Variants in ANKRD30A observed in about 807,000 individuals in gnomAD.
ANKRD30A encodes the protein ankyrin repeat domain 30A.
A neutral mutation model predicts 166.3 loss-of-function variants in ANKRD30A; 170 were observed. That is an observed-to-expected ratio of 1.02 (90% confidence interval 0.90 to 1.16). The LOEUF is 1.16. Ranked by LOEUF, ANKRD30A falls within the 50% of genes most tolerant of loss-of-function variation. The pLI is 0.00. For missense variants in ANKRD30A, 1,630 were observed against 1,518.0 expected, an observed-to-expected ratio of 1.07 and a Z score of -1.23; for synonymous variants, 564 against 508.9, an observed-to-expected ratio of 1.11 and a Z score of -1.46.
chr10:37,252,086 A>C, the ANKRD30A span, among the ~76,000 whole-genome samples: 1 of 152,164 alleles, frequency 6.6e-6, no homozygotes, highest in African/African-American at 2.4e-5. Flanking sequence ...ACCCTCCTTG[A>C]AGTGTAATGT....
At chr10:37,218,303 C>A (rs1842705711) in intron 33 of ANKRD30A, among the ~76,000 whole-genome samples, 1 of 150,852 alleles carries the variant, frequency 6.6e-6, no homozygotes, top group African/African-American at 2.4e-5. Context: ...AAATAGAAGA[C>A]TTCTTTTATA....
rs1340923039 is a variant in ANKRD30A, at chr10:37,162,692, G to T, written c.1929+15G>T. ...CTGCCTTCGAGGTATTTAGTTTTAT[G>T]ATTTCATTTTGAATGACTTATTATC... On this transcript the variant is annotated intron_variant, in intron 16 of 35. Coordinates refer to ENST00000361713, the MANE Select transcript of ANKRD30A (RefSeq NM_052997.3). 5.6e-6 allele frequency: 9 copies of T among 1,612,750 alleles called. No individual in the cohort carries two copies. The African/African-American group carries it at 6.7e-5, about 12-fold the overall frequency.
rs1436856590 is a variant in ANKRD30A, at chr10:37,183,229, A to C, written c.2422-6238A>C. On this transcript the variant is annotated intron_variant, in intron 24 of 35. Coordinates refer to ENST00000361713, the MANE Select transcript of ANKRD30A (RefSeq NM_052997.3). The stretch of plus-strand genomic sequence containing the variant: ...CCAATACGCATTACAACTGTTACTC[A>C]TTAACCATGAAAATTATGACATTGT... 3.4e-5 allele frequency among the ~76,000 whole-genome samples: 5 copies of C among 148,616 alleles called. 1 individual carries two copies. Among genetic ancestry groups the C allele is most frequent in the African/African-American group, 1.2e-4 (5 of 40,636 alleles).
intron 6 of ANKRD30A, among the ~76,000 whole-genome samples, 191 bp downstream of exon 6, chr10:37,136,862 G>T (rs1250125498): frequency 6.8e-6 from 1 of 146,038 alleles, no homozygotes; most frequent in East Asian, 2.0e-4. Flanking sequence ...GCTTTGATTT[G>T]ATTTTTTGGT....
At chr10:37,197,365 G>A in intron 28 of ANKRD30A, 43 bp from the exon 29 acceptor site, 1 of 1,612,678 alleles carries the variant, frequency 6.2e-7, no homozygotes, top group East Asian at 2.2e-5. Flanking sequence ...ATTTTGTGAA[G>A]TATACATTCT....
chr10:37,134,150 C>A, intron 5 of ANKRD30A, 97 bp downstream of exon 5: 2 of 1,420,586 alleles, frequency 1.4e-6, no homozygotes, highest in South Asian at 2.6e-5. Context: ...AGAAACTAGG[C>A]AAAAAGCTAG....
At chr10:37,191,182 A>G (rs1340180554) in intron 25 of ANKRD30A, among the ~76,000 whole-genome samples, 1 of 151,942 alleles carries the variant, frequency 6.6e-6, no homozygotes, top group Non-Finnish European at 1.5e-5. Flanking sequence ...AGATTTGTAC[A>G]TCTTCCTCCA....
At chr10:37,154,565 G>T (rs1047057924) in intron 13 of ANKRD30A, among the ~76,000 whole-genome samples, 10 of 152,126 alleles carry the variant, frequency 6.6e-5, no homozygotes, top group African/African-American at 2.4e-4. Context: ...CAATGCAATA[G>T]AAATTATAGA....
intron 34 of ANKRD30A, among the ~76,000 whole-genome samples, chr10:37,220,832 G>A (rs1842865582): frequency 6.6e-6 from 1 of 151,032 alleles, no homozygotes; most frequent in Non-Finnish European, 1.5e-5. Flanking sequence ...AAACACAGCA[G>A]CTGAGGTCAG....
chr10:37,254,807 C>T, the ANKRD30A span, among the ~76,000 whole-genome samples: 25 of 151,544 alleles, frequency 1.6e-4, no homozygotes, highest in African/African-American at 5.1e-4. Flanking sequence ...CCTCAGCTTC[C>T]GAGTAGCTGG....
chr10:37,126,985 T>A (rs1290731283), intron 1 of ANKRD30A, among the ~76,000 whole-genome samples: 4 of 128,610 alleles, frequency 3.1e-5, no homozygotes, highest in African/African-American at 1.2e-4. Flanking sequence ...AGGCGGAGAT[T>A]GCAGAGAGCC....
At chr10:37,165,481 A>G (rs1839251790) in intron 18 of ANKRD30A, among the ~76,000 whole-genome samples, 1 of 152,214 alleles carries the variant, frequency 6.6e-6, no homozygotes, top group African/African-American at 2.4e-5. Context: ...CTATGGGCAA[A>G]TATATGATTC....
chr10:37,219,504 A>G lies in ANKRD30A; in HGVS notation c.3792A>G (p.Lys1264=), dbSNP rs756374286. ...SEAQRKSKSL[K]INLNYAGDAL... Reference sequence around the variant, plus strand: ...CTCAAAGGAAATCCAAAAGCCTAAAAATTAATCTCAATTATGCAGGAGATG... The same window carrying G: ...CTCAAAGGAAATCCAAAAGCCTAAAGATTAATCTCAATTATGCAGGAGATG... The change falls in exon 34 of 36, where the codon AAA becomes AAG. Residue 1264 remains lysine, a synonymous_variant. Coordinates refer to ENST00000361713, the MANE Select transcript of ANKRD30A (RefSeq NM_052997.3). 1.9e-5 allele frequency: 31 copies of G among 1,610,316 alleles called. No homozygotes were observed. Among genetic ancestry groups the G allele is most frequent in the Non-Finnish European group, 2.5e-5 (30 of 1,177,680 alleles).
At chr10:37,214,271 T>C (rs1406626125) in intron 31 of ANKRD30A, among the ~76,000 whole-genome samples, 1 of 151,652 alleles carries the variant, frequency 6.6e-6, no homozygotes, top group Non-Finnish European at 1.5e-5. Context: ...TGTTGTTTCA[T>C]CTTTAATCAA....
intron 29 of ANKRD30A, 61 bp from the exon 30 acceptor site, chr10:37,199,666 T>C (rs1841460044): frequency 8.8e-7 from 1 of 1,139,118 alleles, no homozygotes; most frequent in East Asian, 2.5e-5. Context: ...TTTGTATATG[T>C]TTTTAAAATG....
chr10:37,153,621 C>G lies in ANKRD30A; in HGVS notation c.1757C>G (p.Thr586Arg). The change falls in exon 13 of 36, where the codon ACA becomes AGA. Residue 586 changes from threonine to arginine, a missense_variant. By Grantham distance (71) the Thr-to-Arg change is moderately conservative. Coordinates refer to ENST00000361713, the MANE Select transcript of ANKRD30A (RefSeq NM_052997.3). The stretch of plus-strand genomic sequence containing the variant: ...AAGGATGTGTGTTTACCCAAGGCTA[C>G]ACATCAAAAAGAAATAGATAAAATA... ...SQKDVCLPKA[T>R]HQKEIDKING... 3.7e-6 allele frequency: 6 copies of G among 1,611,870 alleles called. No individual in the cohort carries two copies. Among genetic ancestry groups the G allele is most frequent in the Non-Finnish European group, 5.1e-6 (6 of 1,179,486 alleles).
intron 31 of ANKRD30A, among the ~76,000 whole-genome samples, chr10:37,205,396 C>T (rs1035632580): frequency 2.3e-5 from 3 of 131,370 alleles, no homozygotes; most frequent in African/African-American, 8.8e-5. Context: ...GGGAATTGAA[C>T]AATGAGAACA....
chr10:37,161,071 G>A (rs996552111), intron 15 of ANKRD30A, among the ~76,000 whole-genome samples: 2 of 152,178 alleles, frequency 1.3e-5, no homozygotes. Context: ...GACTAACAAG[G>A]CGAAACCCTG....
At chr10:37,235,439 A>C (rs1843629922), downstream of ANKRD30A, among the ~76,000 whole-genome samples, 1 of 152,192 alleles carries the variant, frequency 6.6e-6, no homozygotes, top group Non-Finnish European at 1.5e-5. Flanking sequence ...TGAATGTGCA[A>C]ACTTATTTGA....
Sources: gnomAD v4.1 joint callset for allele counts (sites outside exome capture counted in the v4.1 genomes callset) on GRCh38, gnomAD v4.1.1 for gene constraint, MANE v1.5 for transcripts, NCBI Gene and HGNC (gene_info 2026-07-23, HGNC 2026-07-21) for gene names.